The following RGS6 variants were observed in gnomAD, a reference collection of about 807,000 sequenced individuals.
The protein encoded by RGS6 is regulator of G-protein signaling 6.
In RGS6, 30 loss-of-function variants were observed where a neutral mutation model predicts 78.5. That is an observed-to-expected ratio of 0.38 (90% confidence interval 0.29 to 0.52). The LOEUF is 0.52. Among genes scored for constraint, RGS6 ranks in the 20% least tolerant of loss-of-function variants. The pLI, the probability that RGS6 is intolerant of heterozygous loss-of-function variation, is 0.85. For missense variants in RGS6, 495 were observed against 609.7 expected (o/e 0.81, Z 1.98); for synonymous variants, 206 against 206.0 (o/e 1.00, Z 0.00).
chr14:72,003,550 C>T (rs1595931347), intron 2 of RGS6, among the ~76,000 whole-genome samples: 1 of 152,062 alleles, frequency 6.6e-6, no homozygotes, highest in Non-Finnish European at 1.5e-5. Flanking sequence ...TATATAAAAC[C>T]TTTAAGGAAG....
intron 2 of RGS6, among the ~76,000 whole-genome samples, chr14:72,218,208 T>G (rs2046036432): frequency 6.6e-6 from 1 of 152,118 alleles, no homozygotes; most frequent in Non-Finnish European, 1.5e-5. Context: ...AGAAATGGGA[T>G]TTCCGAGTCA....
chr14:72,332,636 C>A (rs1274876536), intron 2 of RGS6, among the ~76,000 whole-genome samples: 1 of 152,134 alleles, frequency 6.6e-6, no homozygotes, highest in African/African-American at 2.4e-5. Flanking sequence ...AGGAGCCATA[C>A]CTTCTGCAAG....
intron 3 of RGS6, among the ~76,000 whole-genome samples, chr14:72,393,135 C>A (rs1464652043): frequency 6.6e-6 from 1 of 152,158 alleles, no homozygotes; most frequent in Non-Finnish European, 1.5e-5. Context: ...GGATGTTTTT[C>A]TGCCTAGTCC....
intron 2 of RGS6, among the ~76,000 whole-genome samples, chr14:72,031,875 TAAATGCCTA>T (rs1041644164): frequency 9.2e-5 from 14 of 152,228 alleles, no homozygotes; most frequent in Non-Finnish European, 1.6e-4. Flanking sequence ...AATACTCCAA[TAAATGCCTA>T]TGCCATAGTT....
intron 1 of RGS6, among the ~76,000 whole-genome samples, chr14:71,943,188 A>C (rs1227069552): frequency 6.6e-6 from 1 of 152,140 alleles, no homozygotes; most frequent in Non-Finnish European, 1.5e-5. Context: ...AACTGCTATT[A>C]TTTGTTCTTA....
the RGS6 span, among the ~76,000 whole-genome samples, chr14:71,867,505 A>C: frequency 6.6e-6 from 1 of 152,114 alleles, no homozygotes; most frequent in Non-Finnish European, 1.5e-5. Context: ...GAACAGTATG[A>C]AAAGCAGCTG....
the RGS6 span, among the ~76,000 whole-genome samples, chr14:72,578,855 G>A: frequency 6.6e-6 from 1 of 152,194 alleles, no homozygotes; most frequent in Non-Finnish European, 1.5e-5. Context: ...GGATGTTGAG[G>A]GGTCTTTCAG....
At chr14:71,996,318 A>G (rs2095204582) in intron 2 of RGS6, among the ~76,000 whole-genome samples, 1 of 152,068 alleles carries the variant, frequency 6.6e-6, no homozygotes. Context: ...ATCAATAGAG[A>G]TTTGTTAAGT....
At chr14:72,037,311 C>A (rs745405524) in intron 2 of RGS6, among the ~76,000 whole-genome samples, 5 of 152,186 alleles carry the variant, frequency 3.3e-5, no homozygotes, top group African/African-American at 4.8e-5. Context: ...TCACTCTTCA[C>A]AATAAATCTT....
intron 3 of RGS6, among the ~76,000 whole-genome samples, chr14:72,365,696 A>T (rs1376007634): frequency 1.6e-4 from 25 of 152,186 alleles, no homozygotes; most frequent in Admixed American, 1.6e-3. Context: ...TGGCTTTCAT[A>T]TGTGTGATCT....
At chr14:72,278,896 C>T (rs886528233) in intron 2 of RGS6, among the ~76,000 whole-genome samples, 1 of 152,036 alleles carries the variant, frequency 6.6e-6, no homozygotes, top group African/African-American at 2.4e-5. Context: ...TCTGGTGATT[C>T]CCCACTTCCT....
chr14:72,208,364 C>T (rs1407272365), intron 2 of RGS6, among the ~76,000 whole-genome samples: 3 of 152,170 alleles, frequency 2.0e-5, no homozygotes, highest in East Asian at 1.9e-4. Flanking sequence ...TTTCATGAAG[C>T]GATGCCTGAC....
At chr14:72,266,615 G>A (rs2059110271) in intron 2 of RGS6, among the ~76,000 whole-genome samples, 1 of 152,186 alleles carries the variant, frequency 6.6e-6, no homozygotes, top group Non-Finnish European at 1.5e-5. Flanking sequence ...GAAAAGTGTT[G>A]GAGGAAAGAA....
At chr14:71,953,781 C>G (rs2092550701) in intron 1 of RGS6, among the ~76,000 whole-genome samples, 1 of 151,892 alleles carries the variant, frequency 6.6e-6, no homozygotes, top group Non-Finnish European at 1.5e-5. Context: ...AGTGCTTGTT[C>G]TTTCTTTTTA....
At chr14:72,188,402 G>T (rs984813472) in intron 2 of RGS6, among the ~76,000 whole-genome samples, 2 of 152,110 alleles carry the variant, frequency 1.3e-5, no homozygotes, top group Non-Finnish European at 2.9e-5. Context: ...TGGAGTTGAC[G>T]TGAGGATCTC....
intron 2 of RGS6, among the ~76,000 whole-genome samples, chr14:72,323,766 A>T (rs1460579948): frequency 2.4e-5 from 3 of 123,552 alleles, no homozygotes; most frequent in African/African-American, 3.1e-5. Context: ...GCGCCACTGC[A>T]CTCCAGCCTG....
chr14:72,054,945 G>T (rs545427178), intron 2 of RGS6, among the ~76,000 whole-genome samples: 1 of 152,270 alleles, frequency 6.6e-6, no homozygotes, highest in South Asian at 2.1e-4. Flanking sequence ...TGCTGTCATT[G>T]CTGTGTAGTA....
rs910100297 is a variant in RGS6, at chr14:72,540,381, G to A, written c.1422+287G>A. The A allele has an allele frequency of 3.4e-6, 5 of 1,455,716 alleles. No homozygotes were observed. The African/African-American group carries it at 5.7e-5, about 17-fold the overall frequency. The allele number at this position is 1,455,716 out of a possible 1,614,324, so 90.2% of individuals were successfully genotyped here. A position where few individuals can be genotyped will look rare whatever the true frequency, so the allele number is the denominator to read the frequency against. ...ATCTGTTCAGGGCTTTGAGGAGGAG[G>A]GACCCTGCTGCCCTCGGGGCTGTGC... On this transcript the variant is annotated intron_variant, in intron 17 of 17. Coordinates refer to ENST00000553525, the MANE Select transcript of RGS6 (RefSeq NM_001204424.2).
chr14:72,555,134 G>C (rs569338472), intron 17 of RGS6, among the ~76,000 whole-genome samples: 1 of 152,338 alleles, frequency 6.6e-6, no homozygotes, highest in Admixed American at 6.5e-5. Context: ...TTTCATTAGA[G>C]TAAGGCCACC....
Sources: allele counts gnomAD v4.1 joint callset (sites outside exome capture counted in the v4.1 genomes callset), GRCh38; gene constraint gnomAD v4.1.1; transcripts MANE v1.5; gene names NCBI Gene and HGNC (gene_info 2026-07-23, HGNC 2026-07-21).